The following DDX42 variants were observed in gnomAD, a reference collection of about 807,000 sequenced individuals.
The protein encoded by DDX42 is ATP-dependent RNA helicase DDX42.
Under a neutral mutation model 101.5 loss-of-function variants are expected in DDX42, and 22 were observed. The observed-to-expected ratio is 0.22, with a 90% confidence interval of 0.15 to 0.31. The LOEUF (loss-of-function observed/expected upper bound fraction) is 0.31. Ranked by LOEUF, DDX42 falls within the 10% of genes least tolerant of loss-of-function variation. DDX42 has a pLI of 1.00. For synonymous variants in DDX42, 402 were observed against 401.2 expected, an observed-to-expected ratio of 1.00 and a Z score of -0.02; for missense variants, 849 against 1,199.9, an observed-to-expected ratio of 0.71 and a Z score of 4.32.
chr17:63,812,513 C>T lies in DDX42; in HGVS notation c.1675+305C>T, dbSNP rs547819274. Among the ~76,000 whole-genome samples, 43 of 152,316 alleles carry T rather than the reference C, an allele frequency of 2.8e-4. 1 individual carries two copies. Among genetic ancestry groups the T allele is most frequent in the African/African-American group, 1.0e-3 (43 of 41,580 alleles). On this transcript the variant is annotated intron_variant, in intron 14 of 17. Transcript: ENST00000389924. Reference sequence around the variant, plus strand: ...GAATATAGTAGATACCTTACCCTTACATTGATCTACTATACACAGCTTAGT... The same window carrying T: ...GAATATAGTAGATACCTTACCCTTATATTGATCTACTATACACAGCTTAGT...
intron 12 of DDX42, 87 bp from the exon 13 acceptor site, chr17:63,810,989 T>C: frequency 1.9e-6 from 2 of 1,073,416 alleles, no homozygotes; most frequent in South Asian, 1.7e-5. Flanking sequence ...GTAAAAAAAC[T>C]GAATAATCCT....
chr17:63,792,184 A>G (rs1340128269), intron 2 of DDX42, among the ~76,000 whole-genome samples: 4 of 152,124 alleles, frequency 2.6e-5, no homozygotes, highest in Non-Finnish European at 4.4e-5. Context: ...ACTATACACT[A>G]TTGAAATGGA....
At position 63,818,158 on chromosome 17, in the gene DDX42, C is replaced by T. The variant is rs374435300; in HGVS notation, c.2577C>T (p.His859=). 412 of 1,613,518 alleles carry T rather than the reference C, an allele frequency of 2.6e-4. 1 individual carries two copies. The highest frequency in any genetic ancestry group is 3.3e-4 in the Non-Finnish European group (389 of 1,179,954). The stretch of plus-strand genomic sequence containing the variant: ...GCCGTCATACTGATGGCCATCGGCA[C>T]GGGGAGAACAGACATGGAGGAAGCG... ...SSSRHTDGHR[H]GENRHGGSAG... is the part of the protein sequence containing the mutation. Residue 859 remains histidine (H), a synonymous_variant, in exon 18 of 18, where the codon CAC becomes CAT. Transcript: ENST00000389924.
chr17:63,814,843 C>CTAAA (rs2039957799), intron 15 of DDX42, among the ~76,000 whole-genome samples: 1 of 152,056 alleles, frequency 6.6e-6, no homozygotes, highest in Admixed American at 6.5e-5. Flanking sequence ...GCATGTGCCA[C>CTAAA]CATGCCTGGC....
At chr17:63,778,983 A>G (rs1368686650) in intron 1 of DDX42, among the ~76,000 whole-genome samples, 1 of 152,166 alleles carries the variant, frequency 6.6e-6, no homozygotes, top group African/African-American at 2.4e-5. Flanking sequence ...GATGTCCCTC[A>G]TAGTACTGGG....
chr17:63,799,814 T>G (rs1416027527), intron 5 of DDX42, among the ~76,000 whole-genome samples, 189 bp downstream of exon 5: 1 of 152,200 alleles, frequency 6.6e-6, no homozygotes, highest in South Asian at 2.1e-4. Flanking sequence ...TCCCCCATAT[T>G]GAAGATGGAA....
rs753057398 is a variant in DDX42 at position 63,813,422 on chromosome 17, G to A, written c.1870G>A (p.Val624Ile). ...VRNLEGANQH[V>I]SKELLDLAMQ... The stretch of plus-strand genomic sequence containing the variant: ...GAACTTGGAAGGAGCCAATCAACAC[G>A]TTTCTAAGGAACTCCTAGATCTGGC... Residue 624 changes from valine (V) to isoleucine (I), a missense_variant, in exon 15 of 18, where the codon GTT becomes ATT. Coordinates refer to ENST00000389924, the MANE Select transcript of DDX42 (RefSeq NM_203499.3). The A allele has an allele frequency of 1.9e-6, 3 of 1,614,142 alleles. No individual in the cohort carries two copies. The highest frequency in any genetic ancestry group is 2.2e-5 in the East Asian group (1 of 44,878).
intron 17 of DDX42, chr17:63,817,305 T>TA: frequency 3.0e-6 from 1 of 333,574 alleles, no homozygotes; most frequent in Non-Finnish European, 5.5e-6. Context: ...AATTTACTGA[T>TA]AGTCACACTA....
At chr17:63,806,399 T>G in intron 7 of DDX42, 136 bp from the exon 8 acceptor site, 1 of 911,408 alleles carries the variant, frequency 1.1e-6, no homozygotes, top group Non-Finnish European at 1.5e-6. Context: ...CTTTTCATTG[T>G]ATGATTTTGG....
chr17:63,801,875 G>A (rs1192491502), intron 6 of DDX42, among the ~76,000 whole-genome samples: 1 of 152,110 alleles, frequency 6.6e-6, no homozygotes, highest in Non-Finnish European at 1.5e-5. Flanking sequence ...GAGGACATCG[G>A]TATACCCACT....
At chr17:63,792,691 C>A in intron 3 of DDX42, 129 bp downstream of exon 3, 2 of 1,002,190 alleles carry the variant, frequency 2.0e-6, no homozygotes, top group Non-Finnish European at 2.8e-6. Flanking sequence ...AATTTTGCTC[C>A]AGTAGTCTAT....
intron 1 of DDX42, among the ~76,000 whole-genome samples, chr17:63,784,199 C>T (rs1037507750): frequency 2.6e-5 from 4 of 152,170 alleles, no homozygotes; most frequent in African/African-American, 7.2e-5. Flanking sequence ...CTGATCTCTT[C>T]GACAATGTTA....
At chr17:63,815,421 T>C in intron 15 of DDX42, 142 bp from the exon 16 acceptor site, 1 of 551,032 alleles carries the variant, frequency 1.8e-6, no homozygotes, top group Non-Finnish European at 3.2e-6. Context: ...GTGGTTCCTG[T>C]GAAAATTCCT....
At chr17:63,799,424 A>G (rs2039734629) in intron 4 of DDX42, 165 bp from the exon 5 acceptor site, 1 of 595,046 alleles carries the variant, frequency 1.7e-6, no homozygotes, top group Non-Finnish European at 2.9e-6. Flanking sequence ...AGCTACACAT[A>G]TATATAATGG....
chr17:63,812,137 G>C lies in DDX42; in HGVS notation c.1604G>C (p.Ser535Thr). 6.2e-7 allele frequency: 1 copy of C among 1,614,286 alleles called. No homozygotes were observed. The highest frequency in any genetic ancestry group is 1.1e-5 in the South Asian group (1 of 91,086). The change falls in exon 14 of 18, where the codon AGT becomes ACT. Residue 535 changes from serine (S) to threonine (T), a missense_variant. Coordinates refer to ENST00000389924, the MANE Select transcript of DDX42 (RefSeq NM_203499.3). ...CTGCTCCATGGGGATATGGATCAGA[G>C]TGAGAGAAACAAGGTCATTTCAGAC... ...LGLLHGDMDQ[S>T]ERNKVISDFK...
chr17:63,778,515 G>A (rs2039447988), intron 1 of DDX42, among the ~76,000 whole-genome samples: 2 of 152,136 alleles, frequency 1.3e-5, no homozygotes, highest in Admixed American at 1.3e-4. Flanking sequence ...TGTGAACTCT[G>A]AGTATGGCTG....
rs541548442 is a variant in DDX42 at position 63,798,206 on chromosome 17, G to A, written c.434+107G>A. The A allele has an allele frequency of 1.3e-5, 12 of 957,398 alleles. No individual in the cohort carries two copies. In the East Asian group the frequency reaches 2.7e-4, roughly 22 times the overall value. The allele number at this position is 957,398 out of a possible 1,614,324, so 59.3% of individuals were successfully genotyped here. ...AGAAAAAATATTGACGTACACTTGT[G>A]TACTTTACTTGAAGTTATTCCTGTA... On this transcript the variant is annotated intron_variant, in intron 4 of 17. Transcript: ENST00000389924.
At chr17:63,775,312 A>G (rs1336575588) in intron 1 of DDX42, 2 of 152,380 alleles carry the variant, frequency 1.3e-5, no homozygotes, top group African/African-American at 4.8e-5. Context: ...GGGTATTTTT[A>G]TTGGTGCCTA....
chr17:63,794,021 A>T (rs1349063674), intron 3 of DDX42, among the ~76,000 whole-genome samples: 1 of 152,088 alleles, frequency 6.6e-6, no homozygotes, highest in Non-Finnish European at 1.5e-5. Context: ...GCTGTTTCCC[A>T]TACATCATGC....
Sources: gnomAD v4.1 joint callset for allele counts (sites outside exome capture counted in the v4.1 genomes callset) on GRCh38, gnomAD v4.1.1 for gene constraint, MANE v1.5 for transcripts, NCBI Gene and HGNC (gene_info 2026-07-23, HGNC 2026-07-21) for gene names.